The following LRRTM4 variants were observed in gnomAD, a reference collection of about 807,000 sequenced individuals.
The protein encoded by LRRTM4 is leucine-rich repeat transmembrane neuronal protein 4.
Under a neutral mutation model 47.6 loss-of-function variants are expected in LRRTM4, and 25 were observed. That is an observed-to-expected ratio of 0.53 (90% CI 0.38 to 0.73). The LOEUF (loss-of-function observed/expected upper bound fraction) is 0.73, where lower values mean the gene tolerates loss of function less well. Ranked by LOEUF, LRRTM4 falls within the 30% of genes least tolerant of loss-of-function variation. The pLI, the probability that LRRTM4 is intolerant of heterozygous loss-of-function variation, is 0.00. For missense variants in LRRTM4, 638 were observed against 713.4 expected (o/e 0.89, Z 1.20); for synonymous variants, 311 against 269.5 (o/e 1.15, Z -1.51).
rs754540782 is a variant in LRRTM4, at chr2:77,207,866, C to CTTTTTTTTTTTTTTTT, written c.1551+310436_1551+310451dup. Among the ~76,000 whole-genome samples, 9 of 42,612 alleles carry CTTTTTTTTTTTTTTTT rather than the reference C, an allele frequency of 2.1e-4. 3 individuals are homozygous for CTTTTTTTTTTTTTTTT. The highest frequency in any genetic ancestry group is 4.0e-4 in the African/African-American group (4 of 10,022). 28.0% of individuals were successfully genotyped at this position (42,612 alleles called of 152,430 possible). ...ATGAAAGTTGAATAAGGGAAAGTGG[C>CTTTTTTTTTTTTTTTT]TTTTTTTTTTTTTTTTTTTTTTTTT... On this transcript the variant is annotated intron_variant, in intron 3 of 3. Coordinates refer to ENST00000409884, the MANE Select transcript of LRRTM4 (RefSeq NM_001134745.3).
intron 3 of LRRTM4, among the ~76,000 whole-genome samples, chr2:76,832,036 G>A (rs1233162456): frequency 2.6e-5 from 4 of 151,916 alleles, no homozygotes; most frequent in African/African-American, 9.7e-5. Context: ...TGAAGATGCC[G>A]GATACACTGG....
intron 3 of LRRTM4, among the ~76,000 whole-genome samples, chr2:77,443,405 T>C (rs1488706276): frequency 6.6e-6 from 1 of 152,138 alleles, no homozygotes; most frequent in African/African-American, 2.4e-5. Flanking sequence ...AATACCCGTA[T>C]GGTAGCCAAT....
At chr2:77,076,612 T>C (rs1680345666) in intron 3 of LRRTM4, among the ~76,000 whole-genome samples, 1 of 152,208 alleles carries the variant, frequency 6.6e-6, no homozygotes. Context: ...TTCTGCTACA[T>C]TGAAATGAAG....
chr2:77,015,287 G>A (rs1374125963), intron 3 of LRRTM4, among the ~76,000 whole-genome samples: 2 of 151,998 alleles, frequency 1.3e-5, no homozygotes, highest in Non-Finnish European at 2.9e-5. Flanking sequence ...TTTCCCATTG[G>A]TTCTGCTTCC....
At chr2:77,181,283 T>C (rs1353682587) in intron 3 of LRRTM4, among the ~76,000 whole-genome samples, 1 of 152,136 alleles carries the variant, frequency 6.6e-6, no homozygotes, top group Non-Finnish European at 1.5e-5. Flanking sequence ...ACCAGTTTCA[T>C]GTCTGAGGGT....
intron 3 of LRRTM4, among the ~76,000 whole-genome samples, chr2:76,965,050 C>T (rs959177530): frequency 3.3e-5 from 5 of 150,842 alleles, no homozygotes; most frequent in Admixed American, 2.0e-4. Context: ...GATTAATAAC[C>T]TTCCAACCTT....
chr2:77,071,024 T>C (rs1680137870), intron 3 of LRRTM4, among the ~76,000 whole-genome samples: 1 of 152,228 alleles, frequency 6.6e-6, no homozygotes, highest in Admixed American at 6.5e-5. Flanking sequence ...TGTGCATGTC[T>C]AATATTTTAT....
chr2:77,138,844 C>A (rs555896885), intron 3 of LRRTM4, among the ~76,000 whole-genome samples: 1 of 152,136 alleles, frequency 6.6e-6, no homozygotes, highest in Non-Finnish European at 1.5e-5. Flanking sequence ...ACTATACACA[C>A]CTTTATGCAA....
intron 3 of LRRTM4, among the ~76,000 whole-genome samples, chr2:77,076,880 A>G (rs903444760): frequency 6.6e-6 from 1 of 152,192 alleles, no homozygotes; most frequent in Non-Finnish European, 1.5e-5. Context: ...TATAAGTACT[A>G]AAATTTACAT....
chr2:77,456,008 G>C (rs1397602491), intron 3 of LRRTM4, among the ~76,000 whole-genome samples: 2 of 152,032 alleles, frequency 1.3e-5, no homozygotes, highest in African/African-American at 2.4e-5. Flanking sequence ...TAGACTCTCT[G>C]TAATTAGTGT....
At chr2:77,175,840 A>G (rs931314370) in intron 3 of LRRTM4, among the ~76,000 whole-genome samples, 4 of 152,202 alleles carry the variant, frequency 2.6e-5, no homozygotes, top group South Asian at 2.1e-4. Flanking sequence ...TTGTATATTT[A>G]GCAGAGACGG....
intron 3 of LRRTM4, among the ~76,000 whole-genome samples, chr2:76,794,601 CCATTTT>C (rs1470252208): frequency 6.6e-6 from 1 of 152,112 alleles, no homozygotes; most frequent in African/African-American, 2.4e-5. Context: ...GGCACCTATA[CCATTTT>C]CAAAAAGCAA....
intron 3 of LRRTM4, among the ~76,000 whole-genome samples, chr2:77,152,046 A>G (rs1672444526): frequency 6.6e-6 from 1 of 152,220 alleles, no homozygotes; most frequent in Non-Finnish European, 1.5e-5. Flanking sequence ...ATTAAAAGTT[A>G]GATGTAGCTC....
chr2:77,196,626 C>T (rs929455292), intron 3 of LRRTM4, among the ~76,000 whole-genome samples: 4 of 152,062 alleles, frequency 2.6e-5, no homozygotes, highest in African/African-American at 9.7e-5. Flanking sequence ...CACCTGTATT[C>T]CCAGCTTAGT....
intron 3 of LRRTM4, among the ~76,000 whole-genome samples, chr2:77,062,382 G>A (rs1364589041): frequency 3.3e-5 from 5 of 152,140 alleles, no homozygotes; most frequent in East Asian, 1.9e-4. Flanking sequence ...AACAGAATTC[G>A]AGTCCCTGCA....
At chr2:77,505,096 G>T (rs1678718225) in intron 3 of LRRTM4, among the ~76,000 whole-genome samples, 1 of 150,978 alleles carries the variant, frequency 6.6e-6, no homozygotes, top group Admixed American at 6.6e-5. Flanking sequence ...TTATTTAAGA[G>T]ATAATTATAA....
At chr2:77,037,705 C>G (rs1454531161) in intron 3 of LRRTM4, among the ~76,000 whole-genome samples, 1 of 151,510 alleles carries the variant, frequency 6.6e-6, no homozygotes, top group Non-Finnish European at 1.5e-5. Context: ...CTATATACTC[C>G]CCATTAGACA....
chr2:77,110,599 C>T (rs753585165), intron 3 of LRRTM4, among the ~76,000 whole-genome samples: 2 of 152,056 alleles, frequency 1.3e-5, no homozygotes, highest in Non-Finnish European at 2.9e-5. Context: ...TTGACAAGAA[C>T]ATTTTATTTG....
intron 3 of LRRTM4, among the ~76,000 whole-genome samples, chr2:77,463,741 A>C (rs565728910): frequency 1.9e-4 from 29 of 152,222 alleles, no homozygotes; most frequent in African/African-American, 7.0e-4. Context: ...AGTGATGTAC[A>C]TATTTTATCA....
Sources: allele counts gnomAD v4.1 joint callset (sites outside exome capture counted in the v4.1 genomes callset), GRCh38; gene constraint gnomAD v4.1.1; transcripts MANE v1.5; gene names NCBI Gene and HGNC (gene_info 2026-07-23, HGNC 2026-07-21).